Variants in CAMTA1 observed in about 807,000 individuals in gnomAD.
The protein encoded by CAMTA1 is calmodulin binding transcription activator 1, also known as calmodulin-binding transcription activator 1.
CAMTA1 carries 27 observed loss-of-function variants against 170.9 expected under a neutral mutation model. That is an observed-to-expected ratio of 0.16 (90% CI 0.12 to 0.22). The LOEUF (loss-of-function observed/expected upper bound fraction) is 0.22. CAMTA1 is among the 10% of genes least tolerant of loss of function. CAMTA1 has a pLI of 1.00. For synonymous variants in CAMTA1, 833 were observed against 891.5 expected, an observed-to-expected ratio of 0.93 and a Z score of 1.17; for missense variants, 1,619 against 2,217.2, an observed-to-expected ratio of 0.73 and a Z score of 5.42.
intron 3 of CAMTA1, among the ~76,000 whole-genome samples, chr1:6,989,640 G>T (rs915013433): frequency 6.6e-6 from 1 of 152,134 alleles, no homozygotes; most frequent in Non-Finnish European, 1.5e-5. Context: ...GATGCCCCGG[G>T]CTTTAAAGAT....
chr1:7,023,746 G>T (rs768072889), intron 3 of CAMTA1, among the ~76,000 whole-genome samples: 3 of 152,162 alleles, frequency 2.0e-5, no homozygotes, highest in Non-Finnish European at 4.4e-5. Context: ...AGTTAGTTAA[G>T]GCCAGGTGTG....
chr1:6,863,565 G>A (rs1329364562), intron 3 of CAMTA1, among the ~76,000 whole-genome samples: 5 of 152,184 alleles, frequency 3.3e-5, no homozygotes, highest in Admixed American at 1.3e-4. Context: ...GTCCCCTTCC[G>A]TGTTCTCAGT....
chr1:6,840,321 G>A (rs1234602453), intron 3 of CAMTA1, among the ~76,000 whole-genome samples: 2 of 152,190 alleles, frequency 1.3e-5, no homozygotes, highest in Non-Finnish European at 2.9e-5. Flanking sequence ...GCTACTGTGT[G>A]GCAGTCAGGG....
chr1:7,311,091 A>G (rs547200022), intron 5 of CAMTA1, among the ~76,000 whole-genome samples: 1 of 152,142 alleles, frequency 6.6e-6, no homozygotes, highest in South Asian at 2.1e-4. Context: ...CTGATTATGG[A>G]TTGCTTAGAT....
chr1:6,912,892 C>G (rs964116525), intron 3 of CAMTA1, among the ~76,000 whole-genome samples: 21 of 152,202 alleles, frequency 1.4e-4, no homozygotes, highest in African/African-American at 5.1e-4. Flanking sequence ...GAAGCTTGGG[C>G]ACCAGGAGGT....
intron 6 of CAMTA1, among the ~76,000 whole-genome samples, chr1:7,509,580 C>T (rs1263039357): frequency 6.6e-6 from 1 of 152,176 alleles, no homozygotes; most frequent in Non-Finnish European, 1.5e-5. Flanking sequence ...GGGCTGTATT[C>T]TGGGAGCACC....
intron 4 of CAMTA1, among the ~76,000 whole-genome samples, chr1:7,184,719 A>G (rs1048372326): frequency 6.6e-6 from 1 of 152,188 alleles, no homozygotes; most frequent in Non-Finnish European, 1.5e-5. Context: ...ATCTGTTTAT[A>G]TGCTTTTGAC....
intron 3 of CAMTA1, among the ~76,000 whole-genome samples, chr1:6,959,920 C>T (rs1690091199): frequency 2.0e-5 from 3 of 152,286 alleles, no homozygotes; most frequent in South Asian, 4.1e-4. Flanking sequence ...CACATGAAGG[C>T]ACTCACTGAG....
intron 4 of CAMTA1, among the ~76,000 whole-genome samples, chr1:7,199,070 C>T (rs968988435): frequency 2.6e-5 from 4 of 152,218 alleles, no homozygotes; most frequent in African/African-American, 7.2e-5. Flanking sequence ...CCACTTCTCT[C>T]CCCTAAGCGC....
intron 3 of CAMTA1, among the ~76,000 whole-genome samples, chr1:6,869,622 C>A (rs1158025627): frequency 6.6e-6 from 1 of 152,154 alleles, no homozygotes; most frequent in Non-Finnish European, 1.5e-5. Flanking sequence ...TTTACCTTCC[C>A]CTCCCTAAAT....
chr1:7,409,112 C>A (rs2090515187), intron 5 of CAMTA1, among the ~76,000 whole-genome samples: 1 of 152,136 alleles, frequency 6.6e-6, no homozygotes, highest in Non-Finnish European at 1.5e-5. Context: ...CACATGGAGC[C>A]CAAGGGCTCT....
intron 11 of CAMTA1, among the ~76,000 whole-genome samples, chr1:7,713,683 A>G (rs1212482430): frequency 6.6e-6 from 1 of 152,208 alleles, no homozygotes; most frequent in Non-Finnish European, 1.5e-5. Context: ...TTCAGCAGAT[A>G]GACCATCCTC....
At chr1:7,095,326 T>G (rs991283717) in intron 4 of CAMTA1, among the ~76,000 whole-genome samples, 1 of 151,956 alleles carries the variant, frequency 6.6e-6, no homozygotes, top group African/African-American at 2.4e-5. Flanking sequence ...TGAGCCTGAG[T>G]GTTGTGAAGG....
chr1:6,856,624 G>A (rs1375226629), intron 3 of CAMTA1, among the ~76,000 whole-genome samples: 1 of 152,024 alleles, frequency 6.6e-6, no homozygotes, highest in African/African-American at 2.4e-5. Flanking sequence ...GCTTTCAAAG[G>A]GAGACAGCCA....
chr1:6,921,062 C>A (rs1681908369), intron 3 of CAMTA1, among the ~76,000 whole-genome samples: 1 of 152,238 alleles, frequency 6.6e-6, no homozygotes, highest in Admixed American at 6.5e-5. Flanking sequence ...ATGGGATTTT[C>A]TTTTCAATTG....
At chr1:7,669,826 C>G (rs1019118185) in intron 9 of CAMTA1, among the ~76,000 whole-genome samples, 1 of 152,210 alleles carries the variant, frequency 6.6e-6, no homozygotes, top group Non-Finnish European at 1.5e-5. Context: ...TCCCTCTACT[C>G]AGTGACCAGC....
At chr1:7,494,719 A>G (rs2093797367) in intron 6 of CAMTA1, among the ~76,000 whole-genome samples, 1 of 152,148 alleles carries the variant, frequency 6.6e-6, no homozygotes, top group South Asian at 2.1e-4. Context: ...CATGAGAATC[A>G]CTTGAACTCC....
intron 20 of CAMTA1, 144 bp downstream of exon 20, chr1:7,751,536 TG>T (rs2096897381): frequency 1.7e-6 from 1 of 587,656 alleles, no homozygotes. Flanking sequence ...GTTTTAGGCA[TG>T]GTGGCTGATA....
rs185927997 is a variant in CAMTA1, at chr1:7,506,398, T to A, written c.510+38497T>A. On this transcript the variant is annotated intron_variant, in intron 6 of 22. Transcript: ENST00000303635. ...CTTCCTCAACCCACCACCGGACACC[T>A]GTGCACTCAGTCACACACAGTCTCA... is the stretch of plus-strand genomic sequence containing the variant. 5.9e-5 allele frequency among the ~76,000 whole-genome samples: 9 copies of A among 152,282 alleles called. No homozygotes were observed. In the East Asian group the frequency reaches 1.7e-3, roughly 29 times the overall value.
Sources: allele counts gnomAD v4.1 joint callset (sites outside exome capture counted in the v4.1 genomes callset), GRCh38; gene constraint gnomAD v4.1.1; transcripts MANE v1.5; gene names NCBI Gene and HGNC (gene_info 2026-07-23, HGNC 2026-07-21).